The following ADAMTS12 variants were observed in gnomAD, a reference collection of about 807,000 sequenced individuals.
The protein encoded by ADAMTS12 is A disintegrin and metalloproteinase with thrombospondin motifs 12.
In ADAMTS12, 118 loss-of-function variants were observed where a neutral mutation model predicts 167.8. The observed-to-expected ratio is 0.70, with a 90% CI of 0.61 to 0.82. The LOEUF (loss-of-function observed/expected upper bound fraction) is 0.82. ADAMTS12 is among the 40% of genes least tolerant of loss of function. The probability of loss-of-function intolerance (pLI) is 0.00; values close to 1 mark genes in which losing one functional copy is unlikely to be tolerated. For missense variants in ADAMTS12, 1,916 were observed against 1,998.8 expected (o/e 0.96, Z 0.79); for synonymous variants, 704 against 716.9 (o/e 0.98, Z 0.29).
rs148964912 is a variant in ADAMTS12 at position 33,723,379 on chromosome 5, C to A, written c.634+28025G>T. 2.5e-3 allele frequency among the ~76,000 whole-genome samples: 379 copies of A among 152,104 alleles called. 3 individuals carry two copies. Among genetic ancestry groups the A allele is most frequent in the African/African-American group, 8.7e-3 (361 of 41,476 alleles). ...CTAAGACCTCAGTCATCCTTTTGAC[C>A]CCAAACACCTCTATTTCTTCTTGTC... On this transcript the variant is annotated intron_variant, in intron 3 of 23. Coordinates refer to ENST00000504830, the MANE Select transcript of ADAMTS12 (RefSeq NM_030955.4).
At chr5:33,873,504 T>C (rs572218771) in intron 2 of ADAMTS12, among the ~76,000 whole-genome samples, 6 of 152,204 alleles carry the variant, frequency 3.9e-5, no homozygotes, top group East Asian at 1.9e-4. Flanking sequence ...ACTTAATCTA[T>C]AGACTTAATG....
chr5:33,848,926 G>A (rs1161936756), intron 2 of ADAMTS12, among the ~76,000 whole-genome samples: 2 of 151,200 alleles, frequency 1.3e-5, no homozygotes, highest in African/African-American at 4.9e-5. Context: ...ATATATCGTG[G>A]TGTTTTCATC....
At chr5:33,629,957 C>T (rs1290766376) in intron 13 of ADAMTS12, among the ~76,000 whole-genome samples, 1 of 152,028 alleles carries the variant, frequency 6.6e-6, no homozygotes, top group African/African-American at 2.4e-5. Context: ...TTTGACAACC[C>T]CACCTAGGCA....
At chr5:33,839,315 T>C (rs990576213) in intron 2 of ADAMTS12, among the ~76,000 whole-genome samples, 1 of 152,260 alleles carries the variant, frequency 6.6e-6, no homozygotes, top group African/African-American at 2.4e-5. Context: ...AGAAATCTTT[T>C]ATCCCACATT....
chr5:33,628,735 G>A (rs1391313953), intron 13 of ADAMTS12, among the ~76,000 whole-genome samples: 1 of 152,104 alleles, frequency 6.6e-6, no homozygotes. Flanking sequence ...AAGGAGCCTG[G>A]AATTACCTAC....
chr5:33,864,518 A>C (rs11749232), intron 2 of ADAMTS12, among the ~76,000 whole-genome samples: 5,719 of 152,274 alleles, frequency 0.038, 150 homozygotes, highest in Non-Finnish European at 0.055. Flanking sequence ...AAATCATTGT[A>C]CTATAAAGAC....
chr5:33,744,220 G>A (rs973450122), intron 3 of ADAMTS12, among the ~76,000 whole-genome samples: 7 of 152,162 alleles, frequency 4.6e-5, no homozygotes, highest in Non-Finnish European at 7.3e-5. Flanking sequence ...CTGTGGTAGG[G>A]TATGAAGTAG....
chr5:33,844,201 G>A (rs184060798), intron 2 of ADAMTS12, among the ~76,000 whole-genome samples: 15 of 152,230 alleles, frequency 9.9e-5, no homozygotes, highest in Admixed American at 9.2e-4. Flanking sequence ...AAATTGCAGA[G>A]CATGTGTGTT....
chr5:33,569,886 T>C (rs1417390751), intron 19 of ADAMTS12, among the ~76,000 whole-genome samples: 4 of 151,878 alleles, frequency 2.6e-5, no homozygotes, highest in Non-Finnish European at 5.9e-5. Flanking sequence ...ATAACCAATA[T>C]AGAGAAGTGC....
At position 33,837,322 on chromosome 5, in the gene ADAMTS12, T is replaced by G. The variant is rs369498817; in HGVS notation, c.489+43797A>C. ...TTTGGAGACAGAATCGACCAGGCAA[T>G]GGAAGGACTGAGTGGCAATGGTGGA... is the stretch of plus-strand genomic sequence containing the variant. On this transcript the variant is annotated intron_variant, in intron 2 of 23. Coordinates refer to ENST00000504830, the MANE Select transcript of ADAMTS12 (RefSeq NM_030955.4). 1.1e-4 allele frequency among the ~76,000 whole-genome samples: 17 copies of G among 152,334 alleles called. No homozygotes were observed. The South Asian group carries it at 3.5e-3, about 32-fold the overall frequency.
rs568315536 is a variant in ADAMTS12, at chr5:33,740,833, C to A, written c.634+10571G>T. On this transcript the variant is annotated intron_variant, in intron 3 of 23. Coordinates refer to ENST00000504830, the MANE Select transcript of ADAMTS12 (RefSeq NM_030955.4). ...GGGCCAGGGAGAAAGTGACAGAGAACCCAACTCCAGAAGGCAGGATGTTGG... is the reference window on the plus strand; with the variant it reads ...GGGCCAGGGAGAAAGTGACAGAGAAACCAACTCCAGAAGGCAGGATGTTGG... Among the ~76,000 whole-genome samples the A allele has an allele frequency of 5.3e-5, 8 of 152,328 alleles. No individual in the cohort carries two copies. In the East Asian group the frequency reaches 5.8e-4, roughly 11 times the overall value.
chr5:33,560,935 A>G, intron 20 of ADAMTS12, 92 bp downstream of exon 20: 1 of 1,489,838 alleles, frequency 6.7e-7, no homozygotes, highest in Non-Finnish European at 9.0e-7. Flanking sequence ...AAAAAAAAAA[A>G]AACGACTTTA....
At chr5:33,770,801 C>T (rs776368468) in intron 2 of ADAMTS12, among the ~76,000 whole-genome samples, 5 of 119,678 alleles carry the variant, frequency 4.2e-5, no homozygotes, top group Non-Finnish European at 6.1e-5. Context: ...CCTTCTCCTC[C>T]TTCTTCTTCT....
In ADAMTS12 at chr5:33,527,491, T is replaced by C. The variant is rs562069421; in HGVS notation, c.4607-125A>G. On this transcript the variant is annotated intron_variant, in intron 23 of 23. Coordinates refer to ENST00000504830, the MANE Select transcript of ADAMTS12 (RefSeq NM_030955.4). ...AGAAAGGAGCCATAACAATTCATAA[T>C]AGGTGGTATCTACTGAATGTTTATT... is the stretch of plus-strand genomic sequence containing the variant. 18 of 903,998 alleles carry C rather than the reference T, an allele frequency of 2.0e-5. No homozygotes were observed. In the African/African-American group the frequency reaches 2.7e-4, roughly 14 times the overall value. The allele number at this position is 903,998 out of a possible 1,614,324, so 56.0% of individuals were successfully genotyped here. A position where few individuals can be genotyped will look rare whatever the true frequency, so the allele number is the denominator to read the frequency against.
At chr5:33,792,189 C>T (rs116463867) in intron 2 of ADAMTS12, among the ~76,000 whole-genome samples, 7,565 of 151,970 alleles carry the variant, frequency 0.05, 677 homozygotes, top group African/African-American at 0.17. Flanking sequence ...AGAGATGGGA[C>T]TTCAACACGT....
intron 3 of ADAMTS12, among the ~76,000 whole-genome samples, chr5:33,746,425 T>C (rs1744788677): frequency 6.6e-6 from 1 of 152,246 alleles, no homozygotes; most frequent in South Asian, 2.1e-4. Context: ...CATTTATTTA[T>C]ATTAGAGCAT....
chr5:33,886,810 C>T lies in ADAMTS12; in HGVS notation c.127+4920G>A, dbSNP rs536600055. ...ACAAAGTGTGGTTTGTGTTGGTGAC[C>T]CAAGCTCAGCTACCTCAACTATACA... On this transcript the variant is annotated intron_variant, in intron 1 of 23. Coordinates refer to ENST00000504830, the MANE Select transcript of ADAMTS12 (RefSeq NM_030955.4). Among the ~76,000 whole-genome samples, 5 of 151,944 alleles carry T rather than the reference C, an allele frequency of 3.3e-5. No individual in the cohort carries two copies. The East Asian group carries it at 9.7e-4, about 29-fold the overall frequency.
chr5:33,572,336 G>A (rs1205378235), intron 19 of ADAMTS12, among the ~76,000 whole-genome samples: 1 of 152,006 alleles, frequency 6.6e-6, no homozygotes, highest in African/African-American at 2.4e-5. Flanking sequence ...GAACATTGAT[G>A]CAAAAATCCT....
At chr5:33,827,372 A>C (rs1417699532) in intron 2 of ADAMTS12, among the ~76,000 whole-genome samples, 1 of 151,958 alleles carries the variant, frequency 6.6e-6, no homozygotes, top group Non-Finnish European at 1.5e-5. Context: ...CAAAGAACTG[A>C]GCTTAGAAAC....
Sources: gnomAD v4.1 joint callset for allele counts (sites outside exome capture counted in the v4.1 genomes callset) on GRCh38, gnomAD v4.1.1 for gene constraint, MANE v1.5 for transcripts, NCBI Gene and HGNC (gene_info 2026-07-23, HGNC 2026-07-21) for gene names.